RSKR: variants seen among roughly 807,000 people sequenced by gnomAD.
RSKR encodes the protein ribosomal protein S6 kinase-related protein.
A neutral mutation model predicts 56.8 loss-of-function variants in RSKR; 44 were observed. The ratio of observed to expected loss-of-function variants is 0.77; its 90% CI spans 0.61 to 1.00. The LOEUF (loss-of-function observed/expected upper bound fraction) is 1.00. Ranked by LOEUF, RSKR falls within the 50% of genes least tolerant of loss-of-function variation. The pLI, the probability that RSKR is intolerant of heterozygous loss-of-function variation, is 0.00. For synonymous variants in RSKR, 181 were observed against 188.0 expected (o/e 0.96, Z 0.30); for missense variants, 510 against 506.9 (o/e 1.01, Z -0.06).
Position 28,613,255 on chromosome 17 carries a change from C to A in RSKR, c.408+7G>T, listed in dbSNP as rs1247188786. The A allele has an allele frequency of 6.2e-7, 1 of 1,614,178 alleles. No homozygotes were observed. Among genetic ancestry groups the A allele is most frequent in the Non-Finnish European group, 8.5e-7 (1 of 1,180,030 alleles). ...AACAGAGACTAATGTGGTATCTACG[C>A]CCCTACCTTCACTGCAAATACAGCT... On this transcript the variant is annotated splice_region_variant and intron_variant, in intron 3 of 11. Transcript: ENST00000301037.
In RSKR at chr17:28,612,264, A is replaced by G. The variant is rs755356170; in HGVS notation, c.650T>C (p.Leu217Pro). 6.2e-7 allele frequency: 1 copy of G among 1,614,176 alleles called. No individual in the cohort carries two copies. Among genetic ancestry groups the G allele is most frequent in the Non-Finnish European group, 8.5e-7 (1 of 1,180,020 alleles). The change falls in exon 6 of 12, where the codon CTG (leucine) becomes CCG (proline). Residue 217 changes from leucine (L) to proline (P), a missense_variant and splice_region_variant. By Grantham distance (98) the Leu-to-Pro change is moderately conservative. Transcript: ENST00000301037. ...TCCTTTACCACTGTTTCACTTACAC[A>G]GTACCAGCACCAACTCGGCAGCAAA... Reference protein sequence around the residue: ...RLFAAELVLVLCYLHDLGIMH... With the variant: ...RLFAAELVLVPCYLHDLGIMH...
rs765474788 is a variant in RSKR at position 28,612,687 on chromosome 17, G to A, written c.478C>T (p.Arg160Ter). Residue 160 changes from arginine to a stop codon, truncating the protein, a stop_gained and splice_region_variant, in exon 5 of 12, where the codon CGA (arginine) becomes TGA (stop). Coordinates refer to ENST00000301037, the MANE Select transcript of RSKR (RefSeq NM_001174103.2). LOFTEE classifies it high-confidence loss of function. ...TGTACAAAGGGATGGTTGATCTGTC[G>A]CTAGGAACAAAGAAAACAGGAAGTT... ...RQCKEEVSIQ[R>*]QINHPFVHSL... The A allele has an allele frequency of 9.9e-6, 16 of 1,614,014 alleles. No individual in the cohort carries two copies. The highest frequency in any genetic ancestry group is 4.4e-5 in the South Asian group (4 of 91,088).
At position 28,613,691 on chromosome 17, in the gene RSKR, G is replaced by C. The variant is rs368468178; in HGVS notation, c.76-3C>G. ...GGACCCCGGATGTTGCCACCCTGCT[G>C]AGAACCAAGGGAGCCACTCTAAACT... is the stretch of plus-strand genomic sequence containing the variant. On this transcript the variant is annotated splice_polypyrimidine_tract_variant and splice_region_variant and intron_variant, in intron 1 of 11. Transcript: ENST00000301037. The C allele has an allele frequency of 1.5e-4, 249 of 1,613,748 alleles. No individual in the cohort carries two copies. In the African/African-American group the frequency reaches 2.4e-3, roughly 16 times the overall value.
At position 28,610,563 on chromosome 17, in the gene RSKR, G is replaced by A; in HGVS notation, c.1148C>T (p.Thr383Ile). 6.5e-7 allele frequency: 1 copy of A among 1,536,044 alleles called. No individual in the cohort carries two copies. Among genetic ancestry groups the A allele is most frequent in the Non-Finnish European group, 8.7e-7 (1 of 1,146,906 alleles). Reference sequence around the variant, plus strand: ...CATGGTCTCCGCTGAACTGGGCTGGGTAGCTTGTGTCTCCGTGACAAAGTT... The same window carrying A: ...CATGGTCTCCGCTGAACTGGGCTGGATAGCTTGTGTCTCCGTGACAAAGTT... ...PVNFVTETQA[T>I]QPSSAETMPF... The change falls in exon 12 of 12, where the codon ACC (threonine) becomes ATC (isoleucine). Residue 383 changes from threonine (T) to isoleucine (I), a missense_variant. Transcript: ENST00000301037.
rs1394563584 is a variant in RSKR at position 28,611,631 on chromosome 17, A to T, written c.747T>A (p.Gly249=). ...CTCCCTGGGGCACGTGGCGGGACAG[A>T]CCAAAGTCTGTCAGTTTCAGATGGC... ...ERGHLKLTDF[G]LSRHVPQGAQ... is the part of the protein sequence containing the mutation. Residue 249 remains glycine (G), a synonymous_variant, in exon 9 of 12, where the codon GGT becomes GGA. Transcript: ENST00000301037. The T allele has an allele frequency of 6.3e-7, 1 of 1,580,604 alleles. No homozygotes were observed. Among genetic ancestry groups the T allele is most frequent in the Admixed American group, 1.8e-5 (1 of 56,710 alleles).
rs201885941 is a variant in RSKR, at chr17:28,612,103, G to T, written c.653-19C>A. ...AGATAACCTGTGGATAACAAGTATG[G>T]GGTATGCTGCAGCTTTTCTGTCCTT... is the stretch of plus-strand genomic sequence containing the variant. On this transcript the variant is annotated intron_variant, in intron 6 of 11. Transcript: ENST00000301037. 13 of 1,613,746 alleles carry T rather than the reference G, an allele frequency of 8.1e-6. No homozygotes were observed. Among genetic ancestry groups the T allele is most frequent in the African/African-American group, 5.3e-5 (4 of 74,918 alleles).
Position 28,613,576 on chromosome 17 carries a change from T to G in RSKR, c.188A>C (p.Tyr63Ser), listed in dbSNP as rs199736071. ...TGGCTTTAGGGATTCCTGGTGCAGA[T>G]AGTGGTGCCCCCGTAGTTCCCAGAG... ...EELWELRGHH[Y>S]LHQESLKPAP... is the part of the protein sequence containing the mutation. The change falls in exon 2 of 12, where the codon TAT becomes TCT. Residue 63 changes from tyrosine to serine, a missense_variant. Coordinates refer to ENST00000301037, the MANE Select transcript of RSKR (RefSeq NM_001174103.2). 1 of 1,614,084 alleles carries G rather than the reference T, an allele frequency of 6.2e-7. No individual in the cohort carries two copies. The highest frequency in any genetic ancestry group is 2.2e-5 in the East Asian group (1 of 44,892).
rs776688490 is a variant in RSKR at position 28,611,788 on chromosome 17, T to C, written c.701A>G (p.Asn234Ser). Residue 234 changes from asparagine (N) to serine (S), a missense_variant, in exon 8 of 12, where the codon AAT becomes AGT. Coordinates refer to ENST00000301037, the MANE Select transcript of RSKR (RefSeq NM_001174103.2). ...GIMHRDVKME[N>S]ILLDERGHLK... ...CTTACCTCGTTCATCTAGAAGAATA[T>C]TCTCCATCTGAAAGATCACAGGTGA... 2 of 1,614,208 alleles carry C rather than the reference T, an allele frequency of 1.2e-6. No individual in the cohort carries two copies. The highest frequency in any genetic ancestry group is 1.7e-6 in the Non-Finnish European group (2 of 1,180,036).
Position 28,611,170 on chromosome 17 carries a change from G to C in RSKR, c.984C>G (p.Asn328Lys). Residue 328 changes from asparagine to lysine, a missense_variant, in exon 11 of 12, where the codon AAC (asparagine) becomes AAG (lysine). Coordinates refer to ENST00000301037, the MANE Select transcript of RSKR (RefSeq NM_001174103.2). ...CATGGAGCAGGAGTGAGAGGCCCTG[G>C]TTAAGAGAAGCTGGGATCTCAGAGT... Reference protein sequence around the residue: ...HSDSEIPASLNQGLSLLLHEL... With the variant: ...HSDSEIPASLKQGLSLLLHEL... 6.5e-7 allele frequency: 1 copy of C among 1,536,290 alleles called. No individual in the cohort carries two copies. Among genetic ancestry groups the C allele is most frequent in the African/African-American group, 1.4e-5 (1 of 73,152 alleles).
In RSKR at chr17:28,613,624, G is replaced by A; in HGVS notation, c.140C>T (p.Thr47Ile). ...GWKSLWTGLG[T>I]IRSDLEELWE... ...GAGTTCTTCCAGATCTGACCTGATG[G>A]TTCCCAAACCTGTCCAGAGGCTCTT... The change falls in exon 2 of 12, where the codon ACC becomes ATC. Residue 47 changes from threonine to isoleucine, a missense_variant. Thr to Ile is a moderately conservative substitution (Grantham distance 89). Transcript: ENST00000301037. 1 of 1,614,126 alleles carries A rather than the reference G, an allele frequency of 6.2e-7. No individual in the cohort carries two copies. Among genetic ancestry groups the A allele is most frequent in the East Asian group, 2.2e-5 (1 of 44,866 alleles).
rs1355129531 is a variant in RSKR, at chr17:28,613,583, GC to G, written c.180del (p.His61ThrfsTer9). The G allele has an allele frequency of 1.9e-6, 3 of 1,614,038 alleles. No homozygotes were observed. The highest frequency in any genetic ancestry group is 2.7e-5 in the African/African-American group (2 of 74,890). ...SDLEELWELR[G>X]HHYLHQESLK... Reference sequence around the variant, plus strand: ...AGGGATTCCTGGTGCAGATAGTGGTGCCCCCGTAGTTCCCAGAGTTCTTCCA... The same window carrying G: ...AGGGATTCCTGGTGCAGATAGTGGTGCCCCGTAGTTCCCAGAGTTCTTCCA... On this transcript the variant is annotated frameshift_variant, in exon 2 of 12. Transcript: ENST00000301037. LOFTEE classifies it high-confidence loss of function.
rs2070781745 is a variant in RSKR, at chr17:28,609,282, C to T, written c.*1196G>A. On this transcript the variant is annotated 3_prime_UTR_variant, in exon 12 of 12. Transcript: ENST00000301037. ...TCTCGAACTCTTGACCTCAACTGAT[C>T]TGCCCACCTTGGCCTCCCAAATAAC... The T allele has an allele frequency of 6.6e-6, 1 of 152,078 alleles. No individual in the cohort carries two copies. Among genetic ancestry groups the T allele is most frequent in the Admixed American group, 6.6e-5 (1 of 15,262 alleles). 9.4% of individuals were successfully genotyped at this position (152,078 alleles called of 1,614,324 possible). A position where few individuals can be genotyped will look rare whatever the true frequency, so the allele number is the denominator to read the frequency against.
chr17:28,612,931 A>T, intron 4 of RSKR, 147 bp downstream of exon 4: 1 of 896,452 alleles, frequency 1.1e-6, no homozygotes, highest in South Asian at 1.5e-5. Context: ...TTGAGAGCTG[A>T]TACTTTTCCC....
In RSKR at chr17:28,612,475, A is replaced by G. The variant is rs529174578; in HGVS notation, c.548-109T>C. On this transcript the variant is annotated intron_variant, in intron 5 of 11. Transcript: ENST00000301037. ...TAGGCCTCCTGCCCAAACTGATACC[A>G]CCTGCTGTTCCCCTCCCTTTGGGAC... is the stretch of plus-strand genomic sequence containing the variant. 12 of 1,371,520 alleles carry G rather than the reference A, an allele frequency of 8.7e-6. No individual in the cohort carries two copies. The African/African-American group carries it at 1.4e-4, about 16-fold the overall frequency. 85.0% of individuals were successfully genotyped at this position (1,371,520 alleles called of 1,614,324 possible).
rs969940034 is a variant in RSKR at position 28,613,462 on chromosome 17, A to G, written c.302T>C (p.Ile101Thr). ...TACCTTCAGCTGCTGCTGCCCCCTA[A>G]TGGGCCTAATGGGAAACTCTGGTAG... ...LFLPEFPIRP[I>T]RGQQQLKILG... The change falls in exon 2 of 12, where the codon ATT becomes ACT. Residue 101 changes from isoleucine (I) to threonine (T), a missense_variant. Physicochemically the swap from Ile to Thr is moderately conservative, Grantham distance 89. Transcript: ENST00000301037. 3 of 1,614,070 alleles carry G rather than the reference A, an allele frequency of 1.9e-6. No homozygotes were observed. Among genetic ancestry groups the G allele is most frequent in the Non-Finnish European group, 2.5e-6 (3 of 1,179,970 alleles).
rs944215413 is a variant in RSKR at position 28,608,794 on chromosome 17, C to T, written c.*1684G>A. On this transcript the variant is annotated 3_prime_UTR_variant, in exon 12 of 12. Coordinates refer to ENST00000301037, the MANE Select transcript of RSKR (RefSeq NM_001174103.2). ...CTAGAGACAAAATTAATAAATAGAA[C>T]TAAAGAGTACTCTCCAGACTGTCTT... 6.6e-6 allele frequency: 1 copy of T among 152,074 alleles called. No homozygotes were observed. The highest frequency in any genetic ancestry group is 2.4e-5 in the African/African-American group (1 of 41,390). The allele number at this position is 152,074 out of a possible 1,614,324, so 9.4% of individuals were successfully genotyped here. A position where few individuals can be genotyped will look rare whatever the true frequency, so the allele number is the denominator to read the frequency against.
rs1181285578 is a variant in RSKR at position 28,611,167 on chromosome 17, C to T, written c.987G>A (p.Gln329=). The T allele has an allele frequency of 6.5e-7, 1 of 1,536,148 alleles. No homozygotes were observed. The highest frequency in any genetic ancestry group is 8.7e-7 in the Non-Finnish European group (1 of 1,146,870). Residue 329 remains glutamine (Q), a synonymous_variant, in exon 11 of 12, where the codon CAG becomes CAA. Coordinates refer to ENST00000301037, the MANE Select transcript of RSKR (RefSeq NM_001174103.2). ...CCTCATGGAGCAGGAGTGAGAGGCCCTGGTTAAGAGAAGCTGGGATCTCAG... is the reference window on the plus strand; with the variant it reads ...CCTCATGGAGCAGGAGTGAGAGGCCTTGGTTAAGAGAAGCTGGGATCTCAG... ...SDSEIPASLN[Q]GLSLLLHELL...
At position 28,612,748 on chromosome 17, in the gene RSKR, G is replaced by A. The variant is rs1167659632; in HGVS notation, c.478-61C>T. On this transcript the variant is annotated intron_variant, in intron 4 of 11. Transcript: ENST00000301037. The stretch of plus-strand genomic sequence containing the variant: ...AGGGTCATTGAGAATAAAGGCAGCT[G>A]AGAAATCAGGTTTTACCCAGATGTG... 5.2e-6 allele frequency: 8 copies of A among 1,542,428 alleles called. No homozygotes were observed. In the East Asian group the frequency reaches 1.8e-4, roughly 35 times the overall value.
chr17:28,610,886 T>TGCTTGTGAGTTTTCAGA (rs2070802643), intron 11 of RSKR, 187 bp from the exon 12 acceptor site: 1 of 681,366 alleles, frequency 1.5e-6, no homozygotes, highest in African/African-American at 1.8e-5. Flanking sequence ...TAAGGAGCTG[T>TGCTTGTGAGTTTTCAGA]GCTTGTGAGT....
Sources: allele counts gnomAD v4.1 joint callset, GRCh38; gene constraint gnomAD v4.1.1; transcripts MANE v1.5; gene names NCBI Gene and HGNC (gene_info 2026-07-23, HGNC 2026-07-21).